The following WWOX variants were observed in gnomAD, a reference collection of about 807,000 sequenced individuals.
WWOX encodes the protein WW domain containing oxidoreductase.
Under a neutral mutation model 46.2 loss-of-function variants are expected in WWOX, and 69 were observed. That is an observed-to-expected ratio of 1.49 (90% CI 1.23 to 1.82). The LOEUF is 1.82. Ranked by LOEUF, WWOX falls within the 40% of genes most tolerant of loss-of-function variation. The pLI, the probability that WWOX is intolerant of heterozygous loss-of-function variation, is 0.00. For synonymous variants in WWOX, 359 were observed against 202.6 expected, an observed-to-expected ratio of 1.77 and a Z score of -6.56; for missense variants, 919 against 542.6, an observed-to-expected ratio of 1.69 and a Z score of -6.89.
At chr16:79,062,884 A>G (rs1054907225) in intron 8 of WWOX, among the ~76,000 whole-genome samples, 1 of 152,080 alleles carries the variant, frequency 6.6e-6, no homozygotes, top group Non-Finnish European at 1.5e-5. Flanking sequence ...GTCAACTTAG[A>G]CTCAATCCAG....
intron 8 of WWOX, among the ~76,000 whole-genome samples, chr16:79,116,458 T>C (rs901216604): frequency 6.6e-6 from 1 of 152,212 alleles, no homozygotes; most frequent in African/African-American, 2.4e-5. Flanking sequence ...CATGACGTTG[T>C]TCATGACAAT....
intron 6 of WWOX, among the ~76,000 whole-genome samples, chr16:78,422,842 TATACACACACACACACAC>T (rs1490965768): frequency 1.0e-4 from 8 of 76,298 alleles, no homozygotes; most frequent in African/African-American, 4.6e-4. Flanking sequence ...TATATATACA[TATACACACACACACACAC>T]ACACACACAC....
intron 8 of WWOX, among the ~76,000 whole-genome samples, chr16:79,077,687 T>C (rs1196587375): frequency 1.3e-5 from 2 of 151,238 alleles, no homozygotes; most frequent in Admixed American, 1.3e-4. Context: ...TCTCGTAGCA[T>C]CTAATGAAAT....
intron 8 of WWOX, among the ~76,000 whole-genome samples, chr16:78,905,845 C>G (rs984907259): frequency 1.8e-4 from 27 of 152,174 alleles, no homozygotes; most frequent in East Asian, 5.8e-4. Context: ...CTAGTTGCAT[C>G]AAACACGTTT....
At chr16:78,845,877 G>A (rs2052285778) in intron 8 of WWOX, among the ~76,000 whole-genome samples, 1 of 152,170 alleles carries the variant, frequency 6.6e-6, no homozygotes, top group Non-Finnish European at 1.5e-5. Flanking sequence ...CCATTTTAAT[G>A]ACCTTGTGCC....
At chr16:78,690,047 G>C (rs1215828279) in intron 8 of WWOX, among the ~76,000 whole-genome samples, 2 of 152,022 alleles carry the variant, frequency 1.3e-5, no homozygotes, top group African/African-American at 2.4e-5. Flanking sequence ...TTTTAGTAGA[G>C]ATGCGGTTTC....
chr16:78,114,940 C>T (rs756452894), intron 3 of WWOX, 36 bp from the exon 4 acceptor site: 1 of 1,613,490 alleles, frequency 6.2e-7, no homozygotes, highest in Non-Finnish European at 8.5e-7. Context: ...TGCCTGTGTT[C>T]ATTGCTGTGG....
At chr16:78,420,350 TA>T (rs2082894511) in intron 6 of WWOX, among the ~76,000 whole-genome samples, 1 of 152,140 alleles carries the variant, frequency 6.6e-6, no homozygotes, top group South Asian at 2.1e-4. Context: ...TAATAGCCAA[TA>T]AATGGAAACA....
chr16:78,371,422 A>T (rs887508651), intron 5 of WWOX, among the ~76,000 whole-genome samples: 5 of 152,218 alleles, frequency 3.3e-5, no homozygotes, highest in African/African-American at 9.6e-5. Context: ...TCAATAACGT[A>T]TGAAAAGAAT....
chr16:78,419,085 G>A (rs2082865361), intron 6 of WWOX, among the ~76,000 whole-genome samples: 1 of 152,004 alleles, frequency 6.6e-6, no homozygotes, highest in Admixed American at 6.6e-5. Context: ...AAAATGAACA[G>A]GTTCAGCCAG....
Position 78,810,358 on chromosome 16 carries a change from T to C in WWOX, c.1056+377606T>C, listed in dbSNP as rs139340159. Among the ~76,000 whole-genome samples the C allele has an allele frequency of 7.8e-4, 119 of 152,328 alleles. 3 individuals are homozygous for C. Among genetic ancestry groups the C allele is most frequent in the African/African-American group, 2.7e-3 (113 of 41,582 alleles). On this transcript the variant is annotated intron_variant, in intron 8 of 8. Transcript: ENST00000566780. ...CTGCCTCATATGATCAGCCGGTATA[T>C]TTATGTGGACACATGCAGCCACACT...
At chr16:78,380,793 C>T (rs746963725) in intron 5 of WWOX, among the ~76,000 whole-genome samples, 4 of 152,062 alleles carry the variant, frequency 2.6e-5, no homozygotes, top group Non-Finnish European at 5.9e-5. Flanking sequence ...ACTTGCCCAG[C>T]CCCAAACCAC....
chr16:78,801,948 A>C (rs2050902175), intron 8 of WWOX, among the ~76,000 whole-genome samples: 1 of 152,138 alleles, frequency 6.6e-6, no homozygotes, highest in South Asian at 2.1e-4. Flanking sequence ...TTTCAGCAAA[A>C]TGGGGTAAGA....
At chr16:78,226,433 C>T (rs754478114) in intron 5 of WWOX, among the ~76,000 whole-genome samples, 1 of 149,690 alleles carries the variant, frequency 6.7e-6, no homozygotes, top group African/African-American at 2.5e-5. Context: ...GAAAGAAGAC[C>T]CTTCTTTCCT....
chr16:78,450,277 C>T (rs7204203), intron 8 of WWOX, among the ~76,000 whole-genome samples: 1 of 152,062 alleles, frequency 6.6e-6, no homozygotes, highest in Non-Finnish European at 1.5e-5. Context: ...ATGATGGGAT[C>T]TCTTGAATCA....
chr16:78,412,866 A>G (rs2082714682), intron 6 of WWOX, among the ~76,000 whole-genome samples: 1 of 152,216 alleles, frequency 6.6e-6, no homozygotes, highest in Admixed American at 6.5e-5. Flanking sequence ...AAATGGGAAG[A>G]GAGAGACGAG....
chr16:78,625,621 T>C (rs1163252434), intron 8 of WWOX, among the ~76,000 whole-genome samples: 1 of 151,942 alleles, frequency 6.6e-6, no homozygotes, highest in African/African-American at 2.4e-5. Flanking sequence ...TACTGAAATA[T>C]TAGGTTGTGC....
chr16:78,685,973 G>C lies in WWOX; in HGVS notation c.1056+253221G>C, dbSNP rs116652260. ...CATGGACCCACGGGGAATGGGAAGAGAAATAGAAATAGGGAATTTGAAATG... is the reference window on the plus strand; with the variant it reads ...CATGGACCCACGGGGAATGGGAAGACAAATAGAAATAGGGAATTTGAAATG... On this transcript the variant is annotated intron_variant, in intron 8 of 8. Coordinates refer to ENST00000566780, the MANE Select transcript of WWOX (RefSeq NM_016373.4). 3.7e-3 allele frequency among the ~76,000 whole-genome samples: 564 copies of C among 151,948 alleles called. 3 individuals are homozygous for C. The highest frequency in any genetic ancestry group is 0.013 in the African/African-American group (525 of 41,462).
chr16:78,929,803 T>G (rs1430450923), intron 8 of WWOX, among the ~76,000 whole-genome samples: 1 of 152,192 alleles, frequency 6.6e-6, no homozygotes, highest in Non-Finnish European at 1.5e-5. Flanking sequence ...GGCAATGCCA[T>G]AAATCCAAGA....
Sources: allele counts gnomAD v4.1 joint callset (sites outside exome capture counted in the v4.1 genomes callset), GRCh38; gene constraint gnomAD v4.1.1; transcripts MANE v1.5; gene names NCBI Gene and HGNC (gene_info 2026-07-23, HGNC 2026-07-21).